HYDIN: variants seen among roughly 807,000 people sequenced by gnomAD.
The protein encoded by HYDIN is axonemal central pair apparatus protein HYDIN.
In HYDIN, 132 loss-of-function variants were observed where a neutral mutation model predicts 403.9. The observed-to-expected ratio is 0.33, with a 90% CI of 0.28 to 0.38. The LOEUF (loss-of-function observed/expected upper bound fraction) is 0.38. Among genes scored for constraint, HYDIN ranks in the 10% least tolerant of loss-of-function variants. The probability of loss-of-function intolerance (pLI) is 1.00; values close to 1 mark genes in which losing one functional copy is unlikely to be tolerated. For missense variants in HYDIN, 2,827 were observed against 5,009.5 expected, an observed-to-expected ratio of 0.56 and a Z score of 13.15; for synonymous variants, 1,202 against 1,891.7, an observed-to-expected ratio of 0.64 and a Z score of 9.46.
At chr16:71,015,656 G>A (rs1457462369) in intron 23 of HYDIN, among the ~76,000 whole-genome samples, 4 of 151,562 alleles carry the variant, frequency 2.6e-5, no homozygotes, top group Admixed American at 6.6e-5. Context: ...CTAGGTCATC[G>A]TTAGATGTCT....
At chr16:71,024,167 G>C (rs185079606) in intron 21 of HYDIN, among the ~76,000 whole-genome samples, 7 of 152,224 alleles carry the variant, frequency 4.6e-5, no homozygotes, top group Admixed American at 3.9e-4. Flanking sequence ...CTTCCTGGAA[G>C]CCCTCCAATG....
chr16:71,182,263 A>G (rs995260837), intron 3 of HYDIN, among the ~76,000 whole-genome samples: 4 of 152,124 alleles, frequency 2.6e-5, no homozygotes, highest in Non-Finnish European at 5.9e-5. Context: ...AAGTCACTGG[A>G]TGGTTTTAAA....
chr16:71,159,882 G>A (rs993025013), intron 6 of HYDIN, among the ~76,000 whole-genome samples: 1 of 150,246 alleles, frequency 6.7e-6, no homozygotes, highest in African/African-American at 2.5e-5. Flanking sequence ...CAAAAACAGG[G>A]AATTTACAGT....
At chr16:70,918,590 C>T (rs1406185998) in intron 46 of HYDIN, among the ~76,000 whole-genome samples, 161 bp from the exon 47 acceptor site, 1 of 152,218 alleles carries the variant, frequency 6.6e-6, no homozygotes, top group Admixed American at 6.5e-5. Flanking sequence ...CACAGCCTAG[C>T]ACATAGCAGG....
chr16:71,228,766 G>C (rs534028986), intron 1 of HYDIN, among the ~76,000 whole-genome samples: 1 of 152,310 alleles, frequency 6.6e-6, no homozygotes, highest in South Asian at 2.1e-4. Context: ...CAAGGATCTA[G>C]AATTAGAAAT....
chr16:71,042,403 CATTT>C (rs1198306384), intron 18 of HYDIN, among the ~76,000 whole-genome samples: 1 of 152,046 alleles, frequency 6.6e-6, no homozygotes, highest in Non-Finnish European at 1.5e-5. Flanking sequence ...GCACATTATT[CATTT>C]ATTTTTCCCC....
rs776068370 is a variant in HYDIN, at chr16:70,981,541, C to A, written c.4360G>T (p.Val1454Leu). The A allele has an allele frequency of 8.0e-5, 129 of 1,612,080 alleles. No individual in the cohort carries two copies. The highest frequency in any genetic ancestry group is 1.0e-4 in the Non-Finnish European group (122 of 1,179,308). The part of the protein sequence containing the change: ...SGFISSHQEQ[V>L]LKVYYLPGVP... ...CCAGGTAGGTAGTAAACTTTTAATACCTGCTCTTGATGTGAACTGATAAAG... is the reference window on the plus strand; with the variant it reads ...CCAGGTAGGTAGTAAACTTTTAATAACTGCTCTTGATGTGAACTGATAAAG... Residue 1454 changes from valine to leucine, a missense_variant, in exon 29 of 86, where the codon GTA becomes TTA. Val to Leu is a conservative substitution (Grantham distance 32). Coordinates refer to ENST00000393567, the MANE Select transcript of HYDIN (RefSeq NM_001270974.2).
chr16:70,982,198 T>C (rs1425275412), intron 28 of HYDIN, among the ~76,000 whole-genome samples: 4 of 150,220 alleles, frequency 2.7e-5, no homozygotes, highest in East Asian at 2.0e-4. Context: ...ATAAATCATA[T>C]ACAATTATGA....
Position 71,169,209 on chromosome 16 carries a change from T to G in HYDIN, c.516+6398A>C, listed in dbSNP as rs553748101. Among the ~76,000 whole-genome samples the G allele has an allele frequency of 2.6e-5, 4 of 152,256 alleles. No individual in the cohort carries two copies. In the South Asian group the frequency reaches 8.3e-4, roughly 32 times the overall value. ...GGGAGGCTAAGATGGGCAGATCACTTGAGCTCAGGAGTTCGAGACCAGCCT... is the reference window on the plus strand; with the variant it reads ...GGGAGGCTAAGATGGGCAGATCACTGGAGCTCAGGAGTTCGAGACCAGCCT... On this transcript the variant is annotated intron_variant, in intron 5 of 85. Transcript: ENST00000393567.
chr16:71,019,594 A>T, intron 22 of HYDIN, among the ~76,000 whole-genome samples: 1 of 152,294 alleles, frequency 6.6e-6, no homozygotes, highest in Non-Finnish European at 1.5e-5. Flanking sequence ...TTGGTGATTA[A>T]ATGTTTTGAA....
At chr16:71,200,421 T>C (rs1356954417) in intron 1 of HYDIN, among the ~76,000 whole-genome samples, 1 of 152,160 alleles carries the variant, frequency 6.6e-6, no homozygotes, top group African/African-American at 2.4e-5. Context: ...CTAGTAAAAG[T>C]CTACTGAGAG....
intron 1 of HYDIN, among the ~76,000 whole-genome samples, chr16:71,196,900 C>A (rs1011651156): frequency 6.6e-6 from 1 of 152,188 alleles, no homozygotes; most frequent in Non-Finnish European, 1.5e-5. Context: ...GAATAATCCA[C>A]CCCTTGTTTA....
intron 7 of HYDIN, among the ~76,000 whole-genome samples, chr16:71,138,954 C>T (rs1308568419): frequency 6.6e-6 from 1 of 152,140 alleles, no homozygotes; most frequent in East Asian, 1.9e-4. Flanking sequence ...CATGGTGGCG[C>T]ATGCCTGTAG....
intron 47 of HYDIN, 50 bp from the exon 48 acceptor site, chr16:70,908,911 C>G (rs187897086): frequency 2.1e-5 from 33 of 1,602,416 alleles, no homozygotes; most frequent in Non-Finnish European, 2.7e-5. Context: ...TTTGTACACA[C>G]AAACAGAAGA....
intron 47 of HYDIN, among the ~76,000 whole-genome samples, chr16:70,911,691 T>G (rs1374153092): frequency 2.6e-5 from 4 of 152,042 alleles, no homozygotes; most frequent in Non-Finnish European, 2.9e-5. Flanking sequence ...ATTTGTAGAT[T>G]GCTTTTGGCA....
intron 41 of HYDIN, among the ~76,000 whole-genome samples, chr16:70,945,471 T>C (rs1235829995): frequency 2.6e-5 from 4 of 152,184 alleles, no homozygotes; most frequent in African/African-American, 4.8e-5. Flanking sequence ...GGGAAGAAAT[T>C]AGAGCTGGCA....
chr16:71,102,107 T>A (rs2083472132), intron 10 of HYDIN, among the ~76,000 whole-genome samples: 1 of 152,066 alleles, frequency 6.6e-6, no homozygotes, highest in Admixed American at 6.6e-5. Context: ...TATATATTGT[T>A]ATGGGTTATA....
In HYDIN at chr16:70,992,113, C is replaced by T. The variant is rs777857722; in HGVS notation, c.3742G>A (p.Val1248Ile). ...SEAASPPAILVTVESPEMDLN... is the reference protein window; with the variant it reads ...SEAASPPAILITVESPEMDLN... The stretch of plus-strand genomic sequence containing the variant: ...TCCATCTCGGGGGACTCTACTGTAA[C>T]TAGGATTGCTGGTGGGCTGGCAGCC... The change falls in exon 24 of 86, where the codon GTT (valine) becomes ATT (isoleucine). Residue 1248 changes from valine (V) to isoleucine (I), a missense_variant. Coordinates refer to ENST00000393567, the MANE Select transcript of HYDIN (RefSeq NM_001270974.2). 1.2e-6 allele frequency: 2 copies of T among 1,613,272 alleles called. No homozygotes were observed. Among genetic ancestry groups the T allele is most frequent in the South Asian group, 2.2e-5 (2 of 91,010 alleles).
At chr16:71,212,474 C>T (rs2144735355) in intron 1 of HYDIN, among the ~76,000 whole-genome samples, 1 of 151,976 alleles carries the variant, frequency 6.6e-6, no homozygotes, top group African/African-American at 2.4e-5. Context: ...ATCGTTTAAA[C>T]AAAATGTTAT....
Sources: gnomAD v4.1 joint callset for allele counts (sites outside exome capture counted in the v4.1 genomes callset) on GRCh38, gnomAD v4.1.1 for gene constraint, MANE v1.5 for transcripts, NCBI Gene and HGNC (gene_info 2026-07-23, HGNC 2026-07-21) for gene names.